DLGAP1: variants seen among roughly 807,000 people sequenced by gnomAD.
The protein encoded by DLGAP1 is DLG associated protein 1, also known as disks large-associated protein 1.
In DLGAP1, 11 loss-of-function variants were observed where a neutral mutation model predicts 90.8. That is an observed-to-expected ratio of 0.12 (90% confidence interval 0.08 to 0.20). The LOEUF (loss-of-function observed/expected upper bound fraction) is 0.20. DLGAP1 is among the 10% of genes least tolerant of loss of function. DLGAP1 has a pLI of 1.00. For synonymous variants in DLGAP1, 558 were observed against 540.7 expected, an observed-to-expected ratio of 1.03 and a Z score of -0.44; for missense variants, 1,050 against 1,333.8, an observed-to-expected ratio of 0.79 and a Z score of 3.31.
chr18:4,110,008 C>T (rs547366405), intron 2 of DLGAP1, among the ~76,000 whole-genome samples: 6 of 136,762 alleles, frequency 4.4e-5, no homozygotes, highest in Admixed American at 1.5e-4. Flanking sequence ...AGATTTCTCT[C>T]GTCTCCAAAA....
At chr18:3,909,391 C>T (rs2071983802) in intron 3 of DLGAP1, among the ~76,000 whole-genome samples, 1 of 152,184 alleles carries the variant, frequency 6.6e-6, no homozygotes, top group Non-Finnish European at 1.5e-5. Context: ...TTTTGTATCA[C>T]ATTAATGCCA....
intron 3 of DLGAP1, among the ~76,000 whole-genome samples, chr18:3,933,924 T>C (rs534760361): frequency 6.6e-6 from 1 of 152,272 alleles, no homozygotes; most frequent in Non-Finnish European, 1.5e-5. Flanking sequence ...CCTATAGTCA[T>C]ACTGTCAAAG....
chr18:3,987,999 C>T (rs983683994), intron 3 of DLGAP1, among the ~76,000 whole-genome samples: 8 of 151,996 alleles, frequency 5.3e-5, no homozygotes, highest in African/African-American at 1.9e-4. Context: ...ATTTATTGTG[C>T]ACTTTATTTC....
At chr18:3,855,379 T>C (rs2069577752) in intron 4 of DLGAP1, among the ~76,000 whole-genome samples, 1 of 152,048 alleles carries the variant, frequency 6.6e-6, no homozygotes. Flanking sequence ...CAAATCCCCT[T>C]GGCAGGCAAT....
intron 7 of DLGAP1, chr18:3,607,596 C>A (rs188000089): frequency 1.3e-5 from 2 of 152,340 alleles, no homozygotes; most frequent in Admixed American, 1.3e-4. Flanking sequence ...CAAATATTGG[C>A]CGGTAACTCC....
chr18:4,014,157 C>G (rs2074480305), intron 2 of DLGAP1, among the ~76,000 whole-genome samples: 1 of 148,220 alleles, frequency 6.7e-6, no homozygotes, highest in Non-Finnish European at 1.5e-5. Flanking sequence ...ATGATCTCGA[C>G]TCACTGCAAC....
intron 3 of DLGAP1, among the ~76,000 whole-genome samples, chr18:3,894,436 C>G (rs1203352671): frequency 2.0e-5 from 3 of 152,106 alleles, no homozygotes; most frequent in Non-Finnish European, 1.5e-5. Context: ...CATGACTATC[C>G]AATTTTCTTA....
intron 2 of DLGAP1, among the ~76,000 whole-genome samples, chr18:4,068,717 A>T (rs1478612232): frequency 2.0e-5 from 3 of 152,206 alleles, no homozygotes; most frequent in Non-Finnish European, 2.9e-5. Flanking sequence ...AGAAGCAGCT[A>T]GGTTAGCCGG....
At chr18:4,452,315 C>T (rs1029038983) in intron 1 of DLGAP1, among the ~76,000 whole-genome samples, 2 of 152,038 alleles carry the variant, frequency 1.3e-5, no homozygotes, top group Non-Finnish European at 2.9e-5. Context: ...ACACTGAATT[C>T]TTTGTTTCTG....
intron 2 of DLGAP1, among the ~76,000 whole-genome samples, chr18:4,042,987 T>TA (rs2149152223): frequency 6.6e-6 from 1 of 152,228 alleles, no homozygotes; most frequent in East Asian, 1.9e-4. Context: ...GATTTGAATT[T>TA]ACTTGAAACA....
At position 4,400,090 on chromosome 18, in the gene DLGAP1, C is replaced by T. The variant is rs574058850; in HGVS notation, c.-267+54916G>A. ...CACCACATGTTCCCCCACCCCCCGC[C>T]AGGCATCCACCTGCACCACATCCCC... is the stretch of plus-strand genomic sequence containing the variant. On this transcript the variant is annotated intron_variant, in intron 1 of 12. Coordinates refer to ENST00000315677, the MANE Select transcript of DLGAP1 (RefSeq NM_004746.4). 7.9e-5 allele frequency among the ~76,000 whole-genome samples: 12 copies of T among 152,232 alleles called. 1 individual carries two copies. The highest frequency in any genetic ancestry group is 4.1e-4 in the South Asian group (2 of 4,824).
At chr18:3,757,167 T>G (rs1326077649) in intron 5 of DLGAP1, among the ~76,000 whole-genome samples, 4 of 152,152 alleles carry the variant, frequency 2.6e-5, no homozygotes, top group African/African-American at 9.7e-5. Flanking sequence ...CCCAGCACTT[T>G]GGGAGGCCAA....
intron 4 of DLGAP1, among the ~76,000 whole-genome samples, chr18:3,877,927 G>A (rs1032537815): frequency 5.3e-5 from 8 of 152,186 alleles, no homozygotes; most frequent in Non-Finnish European, 8.8e-5. Context: ...CCATGTGCTG[G>A]TGGCTTCTTC....
At chr18:4,008,943 G>GC (rs1364056871) in intron 2 of DLGAP1, among the ~76,000 whole-genome samples, 1 of 151,882 alleles carries the variant, frequency 6.6e-6, no homozygotes, top group Non-Finnish European at 1.5e-5. Context: ...TCGCTCCGTC[G>GC]CCCAGGCTGG....
At chr18:3,943,253 T>C (rs1355836656) in intron 3 of DLGAP1, among the ~76,000 whole-genome samples, 1 of 152,180 alleles carries the variant, frequency 6.6e-6, no homozygotes, top group Non-Finnish European at 1.5e-5. Flanking sequence ...AAATAACTGT[T>C]TTTGAAAGAA....
At chr18:3,789,953 AGATT>A (rs1168142022) in intron 5 of DLGAP1, among the ~76,000 whole-genome samples, 1 of 152,250 alleles carries the variant, frequency 6.6e-6, no homozygotes, top group Admixed American at 6.5e-5. Flanking sequence ...TCTGATACAT[AGATT>A]ATTTCAGAGT....
intron 7 of DLGAP1, among the ~76,000 whole-genome samples, chr18:3,649,420 A>C (rs1639367): frequency 6.6e-6 from 1 of 152,172 alleles, no homozygotes; most frequent in African/African-American, 2.4e-5. Flanking sequence ...GGATTTATAA[A>C]CTGGCTCTGT....
Position 4,356,259 on chromosome 18 carries a change from G to A in DLGAP1, c.-267+98747C>T, listed in dbSNP as rs530719782. On this transcript the variant is annotated intron_variant, in intron 1 of 12. Coordinates refer to ENST00000315677, the MANE Select transcript of DLGAP1 (RefSeq NM_004746.4). The stretch of plus-strand genomic sequence containing the variant: ...CCCATTCCCTTGGTAAACTCATCCC[G>A]ACCCCTAGGCTGAAATAGTTACCTA... Among the ~76,000 whole-genome samples the A allele has an allele frequency of 2.0e-5, 3 of 151,544 alleles. No individual in the cohort carries two copies. In the South Asian group the frequency reaches 6.3e-4, roughly 32 times the overall value.
rs2077212434 is a variant in DLGAP1, at chr18:4,181,786, C to T, written c.-266-30499G>A. Reference sequence around the variant, plus strand: ...TGGTACTCATCAACAAACACATCTACAGCTTTCGGTAGATAATGTTTTGTT... The same window carrying T: ...TGGTACTCATCAACAAACACATCTATAGCTTTCGGTAGATAATGTTTTGTT... On this transcript the variant is annotated intron_variant, in intron 1 of 12. Transcript: ENST00000315677. 3.3e-5 allele frequency among the ~76,000 whole-genome samples: 5 copies of T among 151,962 alleles called. No homozygotes were observed. The South Asian group carries it at 1.0e-3, about 31-fold the overall frequency.
Sources: gnomAD v4.1 joint callset for allele counts (sites outside exome capture counted in the v4.1 genomes callset) on GRCh38, gnomAD v4.1.1 for gene constraint, MANE v1.5 for transcripts, NCBI Gene and HGNC (gene_info 2026-07-23, HGNC 2026-07-21) for gene names.